TMEM117: variants seen among roughly 807,000 people sequenced by gnomAD.
The protein encoded by TMEM117 is transmembrane protein 117.
Under a neutral mutation model 52.4 loss-of-function variants are expected in TMEM117, and 27 were observed. The ratio of observed to expected loss-of-function variants is 0.51; its 90% CI spans 0.38 to 0.71. The LOEUF (loss-of-function observed/expected upper bound fraction) is 0.71, where lower values mean the gene tolerates loss of function less well. TMEM117 is among the 30% of genes least tolerant of loss of function. The pLI is 0.00. For synonymous variants in TMEM117, 215 were observed against 206.3 expected, an observed-to-expected ratio of 1.04 and a Z score of -0.36; for missense variants, 556 against 630.5, an observed-to-expected ratio of 0.88 and a Z score of 1.26.
At chr12:44,009,995 C>T in intron 3 of TMEM117, 1 of 323,810 alleles carries the variant, frequency 3.1e-6, no homozygotes, top group South Asian at 2.8e-5. Context: ...TCTGGAAGTG[C>T]CTGTGAGTGC....
At chr12:44,152,830 T>C (rs1032000803) in intron 4 of TMEM117, among the ~76,000 whole-genome samples, 4 of 144,456 alleles carry the variant, frequency 2.8e-5, no homozygotes, top group African/African-American at 5.0e-5. Context: ...ATAATGTATA[T>C]ATTGTATTTA....
the TMEM117 span, among the ~76,000 whole-genome samples, chr12:43,820,578 CGT>C: frequency 7.2e-6 from 1 of 138,204 alleles, no homozygotes; most frequent in Non-Finnish European, 1.6e-5. Flanking sequence ...TGGCCACAGG[CGT>C]ATTTTTTTTT....
intron 3 of TMEM117, among the ~76,000 whole-genome samples, chr12:44,027,458 G>A (rs1946560876): frequency 6.6e-6 from 1 of 152,112 alleles, no homozygotes; most frequent in African/African-American, 2.4e-5. Flanking sequence ...ACAGGCATGA[G>A]CCATCGCATC....
intron 2 of TMEM117, among the ~76,000 whole-genome samples, chr12:43,891,367 ATTTTTTTT>A (rs772754829): frequency 1.7e-5 from 1 of 57,804 alleles, no homozygotes. Context: ...TACCTCTTGA[ATTTTTTTT>A]TTTTTTTTTT....
chr12:43,828,757 C>T, the TMEM117 span, among the ~76,000 whole-genome samples: 2 of 152,158 alleles, frequency 1.3e-5, no homozygotes, highest in African/African-American at 4.8e-5. Context: ...CCTACTACTA[C>T]AAATGATATA....
chr12:44,121,871 T>A (rs1250588806), intron 3 of TMEM117, among the ~76,000 whole-genome samples: 1 of 152,082 alleles, frequency 6.6e-6, no homozygotes, highest in Non-Finnish European at 1.5e-5. Flanking sequence ...TTACCTCAAG[T>A]ATGCCCTGGT....
At chr12:43,928,447 C>G (rs1419831297) in intron 2 of TMEM117, among the ~76,000 whole-genome samples, 1 of 151,954 alleles carries the variant, frequency 6.6e-6, no homozygotes, top group African/African-American at 2.4e-5. Flanking sequence ...GAGGTATACT[C>G]TCTCAGTTTT....
the TMEM117 span, chr12:43,798,571 A>G: frequency 3.9e-6 from 6 of 1,527,232 alleles, no homozygotes; most frequent in East Asian, 2.5e-5. Flanking sequence ...ATACCCCAAT[A>G]TGATCCTCTG....
chr12:44,054,957 C>T (rs1592478053), intron 3 of TMEM117, among the ~76,000 whole-genome samples: 1 of 151,998 alleles, frequency 6.6e-6, no homozygotes, highest in Non-Finnish European at 1.5e-5. Context: ...GTCCATGTCC[C>T]CAAATACTGG....
intron 2 of TMEM117, among the ~76,000 whole-genome samples, chr12:43,943,111 G>A (rs1945071384): frequency 7.0e-6 from 1 of 142,660 alleles, no homozygotes; most frequent in South Asian, 2.3e-4. Flanking sequence ...CCGAGAGGCG[G>A]AAGTTGTGGT....
chr12:43,806,603 C>T, the TMEM117 span, among the ~76,000 whole-genome samples: 2 of 152,214 alleles, frequency 1.3e-5, no homozygotes, highest in Non-Finnish European at 2.9e-5. Flanking sequence ...CCGCCATTCG[C>T]TGCCTCAGCA....
intron 5 of TMEM117, among the ~76,000 whole-genome samples, chr12:44,237,792 C>T (rs1229937897): frequency 6.6e-6 from 1 of 151,950 alleles, no homozygotes; most frequent in African/African-American, 2.4e-5. Context: ...TAATTCATGG[C>T]ATATAATAGG....
chr12:44,143,693 A>C (rs1413183087), intron 4 of TMEM117, 69 bp downstream of exon 4: 2 of 1,127,356 alleles, frequency 1.8e-6, no homozygotes, highest in African/African-American at 1.6e-5. Context: ...TTGGACAGAC[A>C]CTGCTTTTGA....
intron 4 of TMEM117, among the ~76,000 whole-genome samples, chr12:44,180,933 C>G (rs1166847507): frequency 2.0e-4 from 31 of 152,118 alleles, no homozygotes; most frequent in African/African-American, 7.5e-4. Flanking sequence ...GCCACACTGA[C>G]TTCCACAATG....
chr12:44,170,363 C>T (rs1280171057), intron 4 of TMEM117, among the ~76,000 whole-genome samples: 1 of 151,880 alleles, frequency 6.6e-6, no homozygotes, highest in Non-Finnish European at 1.5e-5. Context: ...TTAACGGGTG[C>T]AGCACACCAA....
At chr12:44,073,253 C>T (rs980823289) in intron 3 of TMEM117, among the ~76,000 whole-genome samples, 1 of 152,144 alleles carries the variant, frequency 6.6e-6, no homozygotes, top group African/African-American at 2.4e-5. Flanking sequence ...ACTCTATTTT[C>T]AGGCCATGTA....
At chr12:44,295,126 G>A (rs1389203854) in intron 5 of TMEM117, among the ~76,000 whole-genome samples, 1 of 152,002 alleles carries the variant, frequency 6.6e-6, no homozygotes, top group African/African-American at 2.4e-5. Flanking sequence ...CTCTTCTCCT[G>A]TGACTTTCAT....
At chr12:44,289,473 T>A (rs1457451343) in intron 5 of TMEM117, among the ~76,000 whole-genome samples, 1 of 152,038 alleles carries the variant, frequency 6.6e-6, no homozygotes, top group Non-Finnish European at 1.5e-5. Context: ...TCCTTACTGT[T>A]TGCCATACTT....
chr12:44,301,338 G>A (rs1245703499), intron 6 of TMEM117, among the ~76,000 whole-genome samples: 1 of 152,254 alleles, frequency 6.6e-6, no homozygotes, highest in Non-Finnish European at 1.5e-5. Context: ...AGAAAGGATA[G>A]TCAGGATTTA....
Sources: allele counts gnomAD v4.1 joint callset (sites outside exome capture counted in the v4.1 genomes callset), GRCh38; gene constraint gnomAD v4.1.1; transcripts MANE v1.5; gene names NCBI Gene and HGNC (gene_info 2026-07-23, HGNC 2026-07-21).